The following TBC1D19 variants were observed in gnomAD, a reference collection of about 807,000 sequenced individuals.
The protein encoded by TBC1D19 is TBC1 domain family, member 19.
Under a neutral mutation model 89.0 loss-of-function variants are expected in TBC1D19, and 60 were observed. The ratio of observed to expected loss-of-function variants is 0.67; its 90% confidence interval spans 0.55 to 0.84. The LOEUF (loss-of-function observed/expected upper bound fraction) is 0.84, where lower values mean the gene tolerates loss of function less well. Among genes scored for constraint, TBC1D19 ranks in the 40% least tolerant of loss-of-function variants. The pLI, the probability that TBC1D19 is intolerant of heterozygous loss-of-function variation, is 0.00. For missense variants in TBC1D19, 500 were observed against 610.8 expected (o/e 0.82, Z 1.91); for synonymous variants, 189 against 199.7 (o/e 0.95, Z 0.45).
chr4:26,642,103 G>C (rs1743586162), intron 7 of TBC1D19, among the ~76,000 whole-genome samples: 1 of 152,130 alleles, frequency 6.6e-6, no homozygotes, highest in Non-Finnish European at 1.5e-5. Flanking sequence ...TCCTCGAGAA[G>C]AGCAACCCCA....
In TBC1D19 at chr4:26,613,245, T is replaced by C; in HGVS notation, c.172+4T>C. On this transcript the variant is annotated splice_donor_region_variant and intron_variant, in intron 2 of 20. Coordinates refer to ENST00000264866, the MANE Select transcript of TBC1D19 (RefSeq NM_018317.4). ...AAGGAATTCTTTAAAATATCAGGTT[T>C]GTAAGTTTTTCCTAATAACTTAAGG... 1 of 1,532,584 alleles carries C rather than the reference T, an allele frequency of 6.5e-7. No homozygotes were observed. The highest frequency in any genetic ancestry group is 8.9e-7 in the Non-Finnish European group (1 of 1,127,966). The allele number at this position is 1,532,584 out of a possible 1,614,324, so 94.9% of individuals were successfully genotyped here. A position where few individuals can be genotyped will look rare whatever the true frequency, so the allele number is the denominator to read the frequency against.
At chr4:26,674,624 C>T (rs75500570) in intron 11 of TBC1D19, among the ~76,000 whole-genome samples, 2,937 of 152,126 alleles carry the variant, frequency 0.019, 98 homozygotes, top group African/African-American at 0.068. Context: ...ACCCAGCTTA[C>T]TAGAAATATA....
chr4:26,600,368 T>G (rs534979670), intron 1 of TBC1D19, among the ~76,000 whole-genome samples: 121 of 152,304 alleles, frequency 7.9e-4, no homozygotes, highest in African/African-American at 2.8e-3. Flanking sequence ...GTGTACAGGA[T>G]TATAAAATAA....
chr4:26,735,512 TA>T, intron 16 of TBC1D19, 25 bp downstream of exon 16: 1 of 1,548,412 alleles, frequency 6.5e-7, no homozygotes, highest in Non-Finnish European at 8.8e-7. Context: ...AAAAACATCA[TA>T]ATGTACACAA....
the TBC1D19 span, among the ~76,000 whole-genome samples, chr4:26,808,590 G>A: frequency 6.6e-6 from 1 of 152,036 alleles, no homozygotes; most frequent in Non-Finnish European, 1.5e-5. Flanking sequence ...TTAGCCAGGC[G>A]TGATGGCAGG....
chr4:26,617,638 A>G (rs1421501176), intron 3 of TBC1D19, among the ~76,000 whole-genome samples: 1 of 152,208 alleles, frequency 6.6e-6, no homozygotes, highest in Non-Finnish European at 1.5e-5. Flanking sequence ...AGTTGAGGAG[A>G]CAGTGCAATT....
intron 1 of TBC1D19, among the ~76,000 whole-genome samples, chr4:26,604,850 C>T (rs970711186): frequency 1.9e-4 from 29 of 151,318 alleles, no homozygotes; most frequent in Non-Finnish European, 3.8e-4. Flanking sequence ...CGCCACTGCA[C>T]TTCAGCCTGG....
intron 11 of TBC1D19, among the ~76,000 whole-genome samples, chr4:26,676,716 CAAA>C (rs111713657): frequency 8.2e-5 from 7 of 85,858 alleles, no homozygotes; most frequent in Admixed American, 1.3e-4. Flanking sequence ...AAGACTGTCT[CAAA>C]AAAAAAAAAA....
At chr4:26,652,061 G>A (rs1744430376) in intron 7 of TBC1D19, among the ~76,000 whole-genome samples, 1 of 152,022 alleles carries the variant, frequency 6.6e-6, no homozygotes. Flanking sequence ...CAGGGATGAA[G>A]CCCACTAGAT....
chr4:26,711,961 C>T (rs888170385), intron 13 of TBC1D19, among the ~76,000 whole-genome samples: 1 of 152,052 alleles, frequency 6.6e-6, no homozygotes, highest in Non-Finnish European at 1.5e-5. Flanking sequence ...CGCCAATATT[C>T]TCCTTAGAGC....
chr4:26,635,327 A>T (rs1641561), intron 4 of TBC1D19, among the ~76,000 whole-genome samples: 134,592 of 152,052 alleles, frequency 0.89, 61,732 homozygotes, highest in Non-Finnish European at 1. Context: ...TGTAAAGATA[A>T]TGAATGTGGA....
downstream of TBC1D19, among the ~76,000 whole-genome samples, chr4:26,760,853 T>A (rs1719437283): frequency 4.6e-5 from 7 of 152,210 alleles, no homozygotes; most frequent in Admixed American, 4.6e-4. Flanking sequence ...ACTTTAAAGA[T>A]TAACTCATAC....
chr4:26,817,174 A>T, the TBC1D19 span, among the ~76,000 whole-genome samples: 5 of 152,070 alleles, frequency 3.3e-5, no homozygotes, highest in East Asian at 9.6e-4. Context: ...TTGCACATAC[A>T]CTCTTGTAGA....
At chr4:26,786,843 C>T in the TBC1D19 span, among the ~76,000 whole-genome samples, 1 of 151,196 alleles carries the variant, frequency 6.6e-6, no homozygotes, top group Non-Finnish European at 1.5e-5. Context: ...GCCGAATGGC[C>T]GGTTGATGAA....
chr4:26,695,953 G>C (rs1365631445), intron 13 of TBC1D19, among the ~76,000 whole-genome samples: 2 of 152,186 alleles, frequency 1.3e-5, no homozygotes, highest in South Asian at 4.1e-4. Flanking sequence ...GCATCAACTA[G>C]CGAACAAAAT....
At chr4:26,607,453 GTAT>G (rs1416781405) in intron 1 of TBC1D19, among the ~76,000 whole-genome samples, 1 of 152,038 alleles carries the variant, frequency 6.6e-6, no homozygotes, top group Non-Finnish European at 1.5e-5. Context: ...CTCAGTTAAG[GTAT>G]TATTTTTCCT....
chr4:26,696,368 G>C (rs1033164601), intron 13 of TBC1D19, among the ~76,000 whole-genome samples: 2 of 152,172 alleles, frequency 1.3e-5, no homozygotes, highest in African/African-American at 4.8e-5. Context: ...CAAGTCCTTA[G>C]AGATCTACAA....
chr4:26,809,523 C>G, the TBC1D19 span, among the ~76,000 whole-genome samples: 1 of 152,202 alleles, frequency 6.6e-6, no homozygotes, highest in African/African-American at 2.4e-5. Context: ...CTGGCTCTCA[C>G]CCTATTCCAC....
intron 13 of TBC1D19, among the ~76,000 whole-genome samples, chr4:26,690,706 G>GA (rs1302605649): frequency 6.6e-6 from 1 of 152,072 alleles, no homozygotes; most frequent in African/African-American, 2.4e-5. Context: ...CTACTATTCA[G>GA]AAAAAAACAT....
Sources: allele counts gnomAD v4.1 joint callset (sites outside exome capture counted in the v4.1 genomes callset), GRCh38; gene constraint gnomAD v4.1.1; transcripts MANE v1.5; gene names NCBI Gene and HGNC (gene_info 2026-07-23, HGNC 2026-07-21).